The following MYBPC3 variants were observed in gnomAD, a reference collection of about 807,000 sequenced individuals.
MYBPC3 encodes myosin binding protein C3, also known as myosin-binding protein C, cardiac-type.
In MYBPC3, 108 loss-of-function variants were observed where a neutral mutation model predicts 159.3. The observed-to-expected ratio is 0.68, with a 90% CI of 0.58 to 0.80. The LOEUF (loss-of-function observed/expected upper bound fraction) is 0.80. Among genes scored for constraint, MYBPC3 ranks in the 30% least tolerant of loss-of-function variants. The pLI is 0.00. For missense variants in MYBPC3, 1,631 were observed against 1,762.1 expected (o/e 0.93, Z 1.33); for synonymous variants, 730 against 702.0 (o/e 1.04, Z -0.63).
chr11:47,332,214 GTCT>G lies in MYBPC3; in HGVS notation c.3669_3671del (p.Glu1223del). 6.2e-7 allele frequency: 1 copy of G among 1,613,834 alleles called. No individual in the cohort carries two copies. Among genetic ancestry groups the G allele is most frequent in the South Asian group, 1.1e-5 (1 of 91,084 alleles). On this transcript the variant is annotated inframe_deletion, in exon 33 of 35. Coordinates refer to ENST00000545968, the MANE Select transcript of MYBPC3 (RefSeq NM_000256.3). The surrounding 1 kb of genome is among the most constrained non-coding windows in gnomAD (Gnocchi z 4.2). ...GCTTGCTGAACATGCGGAAGCGGGCGTCTTCTCCCAGGTCCAGGCCATTCTTGA... is the reference window on the plus strand; with the variant it reads ...GCTTGCTGAACATGCGGAAGCGGGCGTCTCCCAGGTCCAGGCCATTCTTGA...
intron 28 of MYBPC3, 24 bp downstream of exon 28, chr11:47,333,898 G>A (rs1374326835): frequency 1.3e-6 from 2 of 1,559,854 alleles, no homozygotes; most frequent in Non-Finnish European, 1.7e-6. Context: ...TCCCCTGGGG[G>A]ACAGGGAAGG....
At position 47,339,415 on chromosome 11, in the gene MYBPC3, G is replaced by A. The variant is rs1443281574; in HGVS notation, c.2068-11C>T. 6.2e-7 allele frequency: 1 copy of A among 1,613,690 alleles called. No homozygotes were observed. Among genetic ancestry groups the A allele is most frequent in the Admixed American group, 1.7e-5 (1 of 60,018 alleles). ...TGGGGCCTTATTCCCCTGGGAACAGGGCAGGAGGGAAGTAGGGAGCAGAGG... is the reference window on the plus strand; with the variant it reads ...TGGGGCCTTATTCCCCTGGGAACAGAGCAGGAGGGAAGTAGGGAGCAGAGG... On this transcript the variant is annotated splice_polypyrimidine_tract_variant and intron_variant, in intron 21 of 34. Transcript: ENST00000545968.
chr11:47,331,453 G>A lies in MYBPC3; in HGVS notation c.*290C>T, dbSNP rs2142844845. 5.7e-6 allele frequency: 1 copy of A among 176,116 alleles called. No homozygotes were observed. The highest frequency in any genetic ancestry group is 1.9e-4 in the South Asian group (1 of 5,262). 10.9% of individuals were successfully genotyped at this position (176,116 alleles called of 1,614,324 possible). A position where few individuals can be genotyped will look rare whatever the true frequency, so the allele number is the denominator to read the frequency against. On this transcript the variant is annotated 3_prime_UTR_variant, in exon 35 of 35. Coordinates refer to ENST00000545968, the MANE Select transcript of MYBPC3 (RefSeq NM_000256.3). ...ATCTTTTATTGCCCAATAAACATTG[G>A]GAAGACATAGCAGGCCAGAAAGGCC...
rs751397614 is a variant in MYBPC3, at chr11:47,339,747, G to A, written c.1971C>T (p.Asp657=). 5.0e-6 allele frequency: 8 copies of A among 1,613,974 alleles called. No individual in the cohort carries two copies. In the South Asian group the frequency reaches 7.7e-5, roughly 16 times the overall value. ...TATTTCCAGCTACAACCACAATGGT[G>A]TCTGGTATGCGGCCTGGGCAGTCCA... ...IHLDCPGRIP[D]TIVVVAGNKL... The change falls in exon 21 of 35, where the codon GAC becomes GAT. Residue 657 remains aspartate (D), a synonymous_variant. Transcript: ENST00000545968.
chr11:47,349,875 T>G lies in MYBPC3; in HGVS notation c.553A>C (p.Lys185Gln), dbSNP rs375607980. ...TTGAACCACTTGACCACAGGCGGCT[T>G]CAGGAGGCTGGCGCCGGCCACGCGG... is the stretch of plus-strand genomic sequence containing the variant. The part of the protein sequence containing the change: ...SARVAGASLL[K>Q]PPVVKWFKGK... The change falls in exon 5 of 35, where the codon AAG becomes CAG. Residue 185 changes from lysine (K) to glutamine (Q), a missense_variant. By Grantham distance (53) the Lys-to-Gln change is moderately conservative. Transcript: ENST00000545968. The G allele has an allele frequency of 6.2e-7, 1 of 1,612,246 alleles. No individual in the cohort carries two copies. Among genetic ancestry groups the G allele is most frequent in the African/African-American group, 1.3e-5 (1 of 75,040 alleles).
At chr11:47,337,298 T>C in intron 25 of MYBPC3, 93 bp downstream of exon 25, 7 of 1,318,464 alleles carry the variant, frequency 5.3e-6, no homozygotes, top group Non-Finnish European at 7.2e-6. Flanking sequence ...TGGATGTGAG[T>C]GTCTAGCATG....
Position 47,342,659 on chromosome 11 carries a change from T to G in MYBPC3, c.1543A>C (p.Asn515His). Residue 515 changes from asparagine (N) to histidine (H), a missense_variant, in exon 17 of 35, where the codon AAC (asparagine) becomes CAC (histidine). By Grantham distance (68) the Asn-to-His change is moderately conservative. Coordinates refer to ENST00000545968, the MANE Select transcript of MYBPC3 (RefSeq NM_000256.3). Reference sequence around the variant, plus strand: ...CCCGCGTCCTCCAGCATGGCCTCGTTGATGATCAGGTGGTGTCTCTGCCCG... The same window carrying G: ...CCCGCGTCCTCCAGCATGGCCTCGTGGATGATCAGGTGGTGTCTCTGCCCG... The part of the protein sequence containing the change: ...KDGQRHHLII[N>H]EAMLEDAGHY... The G allele has an allele frequency of 6.2e-7, 1 of 1,614,036 alleles. No individual in the cohort carries two copies. Among genetic ancestry groups the G allele is most frequent in the Non-Finnish European group, 8.5e-7 (1 of 1,179,882 alleles).
In MYBPC3 at chr11:47,333,955, G is replaced by A. The variant is rs761700877; in HGVS notation, c.2961C>T (p.Val987=). 114 of 1,583,432 alleles carry A rather than the reference G, an allele frequency of 7.2e-5. No homozygotes were observed. The highest frequency in any genetic ancestry group is 3.3e-4 in the Middle Eastern group (2 of 6,030). ...GGATGAGAAGGTTCACAGGCTCCCC[G>A]ACCTTCTTCTGAATGGTCTGGCGCA... The part of the protein sequence containing the change: ...RHLRQTIQKK[V]GEPVNLLIPF... Residue 987 remains valine, a synonymous_variant, in exon 28 of 35, where the codon GTC becomes GTT. Transcript: ENST00000545968.
At chr11:47,342,522 T>TG (rs759099506) in intron 17 of MYBPC3, 56 bp downstream of exon 17, 88 of 1,469,690 alleles carry the variant, frequency 6.0e-5, no homozygotes, top group Non-Finnish European at 7.2e-5. Flanking sequence ...CTAGGTGGGG[T>TG]GGGGGCTGAG....
Position 47,342,855 on chromosome 11 carries a change from A to C in MYBPC3, c.1432T>G (p.Ser478Ala). Reference sequence around the variant, plus strand: ...CATTTGACTTGCGCCCCCTCCTCCGATACTTCACACTCAAACTCCACCCGC... The same window carrying C: ...CATTTGACTTGCGCCCCCTCCTCCGCTACTTCACACTCAAACTCCACCCGC... ...GQRVEFECEV[S>A]EEGAQVKWLK... The change falls in exon 16 of 35, where the codon TCG becomes GCG. Residue 478 changes from serine (S) to alanine (A), a missense_variant. Coordinates refer to ENST00000545968, the MANE Select transcript of MYBPC3 (RefSeq NM_000256.3). The C allele has an allele frequency of 6.2e-7, 1 of 1,613,116 alleles. No homozygotes were observed. Among genetic ancestry groups the C allele is most frequent in the Non-Finnish European group, 8.5e-7 (1 of 1,179,508 alleles).
At position 47,333,304 on chromosome 11, in the gene MYBPC3, C is replaced by A. The variant is rs1380991129; in HGVS notation, c.3220G>T (p.Val1074Leu). The A allele has an allele frequency of 6.3e-7, 1 of 1,588,474 alleles. No individual in the cohort carries two copies. Among genetic ancestry groups the A allele is most frequent in the Non-Finnish European group, 8.6e-7 (1 of 1,166,560 alleles). ...DKPSPPQDLR[V>L]TDAWGLNVAL... ...ACATTAAGACCCCAGGCGTCAGTCACCCGGAGATCCTGGGGAGGACTTGGC... is the reference window on the plus strand; with the variant it reads ...ACATTAAGACCCCAGGCGTCAGTCAACCGGAGATCCTGGGGAGGACTTGGC... The change falls in exon 30 of 35, where the codon GTG (valine) becomes TTG (leucine). Residue 1074 changes from valine (V) to leucine (L), a missense_variant. By Grantham distance (32) the Val-to-Leu change is conservative. Coordinates refer to ENST00000545968, the MANE Select transcript of MYBPC3 (RefSeq NM_000256.3).
Position 47,334,065 on chromosome 11 carries a change from C to T in MYBPC3, c.2906-55G>A, listed in dbSNP as rs961199809. The stretch of plus-strand genomic sequence containing the variant: ...GGGCCCGCCACAGCTCTGAGGGGCT[C>T]CACAGCTCCAACCTCCCTTGAGACA... On this transcript the variant is annotated intron_variant, in intron 27 of 34. Transcript: ENST00000545968. The T allele has an allele frequency of 1.3e-5, 20 of 1,491,764 alleles. No homozygotes were observed. The East Asian group carries it at 4.9e-4, about 37-fold the overall frequency. 92.4% of individuals were successfully genotyped at this position (1,491,764 alleles called of 1,614,324 possible).
At chr11:47,341,721 C>G (rs1040634343) in intron 18 of MYBPC3, among the ~76,000 whole-genome samples, 3 of 152,220 alleles carry the variant, frequency 2.0e-5, no homozygotes, top group Non-Finnish European at 4.4e-5. Context: ...CTCTGTTCTT[C>G]TCTGTCTCTG....
chr11:47,342,989 C>T, intron 15 of MYBPC3, 32 bp downstream of exon 15: 2 of 1,612,734 alleles, frequency 1.2e-6, no homozygotes, highest in Non-Finnish European at 1.7e-6. Flanking sequence ...ATCTCCTCCC[C>T]AGGTTCCCAC....
At position 47,337,553 on chromosome 11, in the gene MYBPC3, T is replaced by C. The variant is rs2095883740; in HGVS notation, c.2440A>G (p.Lys814Glu). 6 of 1,613,912 alleles carry C rather than the reference T, an allele frequency of 3.7e-6. No homozygotes were observed. The East Asian group carries it at 1.3e-4, about 36-fold the overall frequency. The change falls in exon 25 of 35, where the codon AAG becomes GAG. Residue 814 changes from lysine (K) to glutamate (E), a missense_variant. By Grantham distance (56) the Lys-to-Glu change is moderately conservative. Coordinates refer to ENST00000545968, the MANE Select transcript of MYBPC3 (RefSeq NM_000256.3). The part of the protein sequence containing the change: ...LGYILERKKK[K>E]SYRWMRLNFD... ...TTCAGCCGCATCCACCGGTAGCTCT[T>C]CTTCTTCTTGCGCTCCAGGATGTAG...
In MYBPC3 at chr11:47,338,551, C is replaced by G. The variant is rs765629179; in HGVS notation, c.2277G>C (p.Glu759Asp). 2.5e-6 allele frequency: 4 copies of G among 1,613,902 alleles called. No individual in the cohort carries two copies. The Admixed American group carries it at 6.7e-5, about 27-fold the overall frequency. The change falls in exon 23 of 35, where the codon GAG becomes GAC. Residue 759 changes from glutamate (E) to aspartate (D), a missense_variant. Transcript: ENST00000545968. The surrounding 1 kb of genome is among the most constrained non-coding windows in gnomAD (Gnocchi z 4.7). ...CCTTGACTGTGAGGTTGACCTGGTC[C>G]TCGCCCACAGGGTTCTTCACTGTGA... ...YTVTVKNPVG[E>D]DQVNLTVKVI...
Position 47,339,638 on chromosome 11 carries a change from G to A in MYBPC3, c.2067+13C>T. 1.3e-6 allele frequency: 2 copies of A among 1,567,886 alleles called. No individual in the cohort carries two copies. The highest frequency in any genetic ancestry group is 2.3e-5 in the East Asian group (1 of 43,144). On this transcript the variant is annotated intron_variant, in intron 21 of 34. Transcript: ENST00000545968. ...TCTTATAGATGGGGAGACTGAGGAG[G>A]GACCCACAGTACCTGCGTGATAGCC...
chr11:47,351,248 T>G lies in MYBPC3; in HGVS notation c.283A>C (p.Ile95Leu), dbSNP rs549758428. Residue 95 changes from isoleucine to leucine, a missense_variant, in exon 2 of 35, where the codon ATA becomes CTA. Ile to Leu is a conservative substitution (Grantham distance 5). Coordinates refer to ENST00000545968, the MANE Select transcript of MYBPC3 (RefSeq NM_000256.3). The surrounding 1 kb of genome is among the most constrained non-coding windows in gnomAD (Gnocchi z 4.2). ...CTGATCAGGATCTTACCTGCCTCTA[T>G]GACCTTGAGGTCGAACTTGACCTTG... ...SSKVKFDLKV[I>L]EAEKAEPMLA... is the part of the protein sequence containing the mutation. 3.4e-5 allele frequency: 52 copies of G among 1,511,484 alleles called. 1 individual carries two copies. The East Asian group carries it at 1.3e-3, about 39-fold the overall frequency. The allele number at this position is 1,511,484 out of a possible 1,614,324, so 93.6% of individuals were successfully genotyped here. A position where few individuals can be genotyped will look rare whatever the true frequency, so the allele number is the denominator to read the frequency against.
At chr11:47,331,740 G>T in intron 34 of MYBPC3, 24 bp from the exon 35 acceptor site, 1 of 1,191,814 alleles carries the variant, frequency 8.4e-7, no homozygotes, top group Non-Finnish European at 1.2e-6. Context: ...TATCTTACGA[G>T]TGAATGGAGG....
Sources: allele counts gnomAD v4.1 joint callset (sites outside exome capture counted in the v4.1 genomes callset), GRCh38; gene constraint gnomAD v4.1.1; non-coding constraint Gnocchi (gnomAD v3.1); transcripts MANE v1.5; gene names NCBI Gene and HGNC (gene_info 2026-07-23, HGNC 2026-07-21).